MYO16: variants seen among roughly 807,000 people sequenced by gnomAD.
MYO16 encodes the protein myosin XVI, also known as unconventional myosin-XVI.
A neutral mutation model predicts 205.3 loss-of-function variants in MYO16; 94 were observed. The ratio of observed to expected loss-of-function variants is 0.46; its 90% confidence interval spans 0.39 to 0.54. MYO16 has a LOEUF of 0.54. Ranked by LOEUF, MYO16 falls within the 20% of genes least tolerant of loss-of-function variation. MYO16 has a pLI of 0.00. For synonymous variants in MYO16, 988 were observed against 954.0 expected, an observed-to-expected ratio of 1.04 and a Z score of -0.66; for missense variants, 2,315 against 2,387.5, an observed-to-expected ratio of 0.97 and a Z score of 0.63.
chr13:109,188,819 C>A (rs1262057172), intron 34 of MYO16, among the ~76,000 whole-genome samples: 1 of 152,142 alleles, frequency 6.6e-6, no homozygotes, highest in Admixed American at 6.6e-5. Context: ...CAGGGCCAGG[C>A]GCAGTGGCTC....
At chr13:108,538,108 T>C in the MYO16 span, among the ~76,000 whole-genome samples, 12 of 152,202 alleles carry the variant, frequency 7.9e-5, no homozygotes, top group African/African-American at 2.4e-4. Context: ...AAGAGTTTTT[T>C]CTAGGTTTCC....
chr13:109,160,701 T>C (rs1184041666), intron 32 of MYO16, among the ~76,000 whole-genome samples: 2 of 152,260 alleles, frequency 1.3e-5, no homozygotes, highest in Non-Finnish European at 2.9e-5. Flanking sequence ...AAATATTTTC[T>C]TTTGATGTGA....
chr13:108,757,472 GT>G (rs869034180), intron 4 of MYO16, among the ~76,000 whole-genome samples: 2 of 151,148 alleles, frequency 1.3e-5, no homozygotes, highest in East Asian at 3.9e-4. Flanking sequence ...GACCAAGCTA[GT>G]TTTTTGGGGT....
chr13:109,179,468 T>C, intron 33 of MYO16, 74 bp from the exon 34 acceptor site: 1 of 881,344 alleles, frequency 1.1e-6, no homozygotes, highest in South Asian at 1.4e-5. Flanking sequence ...TAGTTTATTG[T>C]AATGAGTGCA....
intron 27 of MYO16, among the ~76,000 whole-genome samples, chr13:109,094,095 A>T (rs914420329): frequency 2.6e-5 from 4 of 152,140 alleles, no homozygotes; most frequent in Non-Finnish European, 5.9e-5. Flanking sequence ...CTCCACCGGG[A>T]CTACAGTTCC....
chr13:109,119,727 A>G (rs534909562), intron 28 of MYO16, among the ~76,000 whole-genome samples: 65 of 152,340 alleles, frequency 4.3e-4, no homozygotes, highest in African/African-American at 1.5e-3. Flanking sequence ...TCATGCTAAA[A>G]TTTCTTTTTA....
chr13:109,203,386 G>A (rs2391714), intron 34 of MYO16, among the ~76,000 whole-genome samples: 10,784 of 151,416 alleles, frequency 0.071, 546 homozygotes, highest in East Asian at 0.27. Context: ...TTTCATTTTC[G>A]AGGGGTATTT....
chr13:108,653,378 T>A (rs530337956), intron 1 of MYO16, among the ~76,000 whole-genome samples: 2 of 152,240 alleles, frequency 1.3e-5, no homozygotes, highest in East Asian at 3.9e-4. Flanking sequence ...TGCACAGAAG[T>A]TTTTAAGTTT....
At chr13:108,813,730 G>A (rs1887365394) in intron 7 of MYO16, among the ~76,000 whole-genome samples, 1 of 152,020 alleles carries the variant, frequency 6.6e-6, no homozygotes, top group African/African-American at 2.4e-5. Flanking sequence ...CTGAATATTA[G>A]TCACCTTAAC....
At chr13:108,770,577 G>A (rs555906873) in intron 4 of MYO16, among the ~76,000 whole-genome samples, 1 of 152,218 alleles carries the variant, frequency 6.6e-6, no homozygotes, top group East Asian at 1.9e-4. Context: ...GCCTTTTCCA[G>A]TTCATATCTT....
chr13:109,135,523 A>C (rs78308756), intron 31 of MYO16, among the ~76,000 whole-genome samples: 2,737 of 152,214 alleles, frequency 0.018, 40 homozygotes, highest in South Asian at 0.03. Flanking sequence ...AGGTCTTGCT[A>C]TGTTGTCCAA....
chr13:108,939,446 C>T (rs1882629752), intron 16 of MYO16, among the ~76,000 whole-genome samples: 1 of 152,122 alleles, frequency 6.6e-6, no homozygotes, highest in Admixed American at 6.5e-5. Context: ...TGCTGGTATC[C>T]TCCTCTCCAG....
At chr13:108,569,691 T>A in the MYO16 span, among the ~76,000 whole-genome samples, 1 of 152,158 alleles carries the variant, frequency 6.6e-6, no homozygotes, top group Non-Finnish European at 1.5e-5. Flanking sequence ...GTTGAATAGA[T>A]GTGGTAAAAG....
Position 109,138,461 on chromosome 13 carries a change from G to T in MYO16, c.4052-1803G>T, listed in dbSNP as rs151322505. Among the ~76,000 whole-genome samples, 230 of 152,234 alleles carry T rather than the reference G, an allele frequency of 1.5e-3. No individual in the cohort carries two copies. The Middle Eastern group carries it at 0.048, about 32-fold the overall frequency. ...ATTTACAGTAAAAGCATTAGAAAAA[G>T]AAGTCTTGTGGAATTTCTTTTTTGA... On this transcript the variant is annotated intron_variant, in intron 31 of 34. Coordinates refer to ENST00000457511, the MANE Select transcript of MYO16 (RefSeq NM_001198950.3).
chr13:108,816,142 TACCACAAATATAAA>T (rs1875587794), intron 7 of MYO16, among the ~76,000 whole-genome samples: 1 of 152,156 alleles, frequency 6.6e-6, no homozygotes, highest in Non-Finnish European at 1.5e-5. Flanking sequence ...ACTTGAAATG[TACCACAAATATAAA>T]AGTTAAAATT....
At chr13:109,090,063 G>A (rs1888569508) in intron 27 of MYO16, among the ~76,000 whole-genome samples, 1 of 152,214 alleles carries the variant, frequency 6.6e-6, no homozygotes, top group African/African-American at 2.4e-5. Flanking sequence ...CGTTTGAGTG[G>A]TGCATTTGTG....
rs277829 is a variant in MYO16, at chr13:109,042,314, T to A, written c.2797-4602T>A. On this transcript the variant is annotated intron_variant, in intron 23 of 34. Coordinates refer to ENST00000457511, the MANE Select transcript of MYO16 (RefSeq NM_001198950.3). ...TGCTTGTGTGTGCATGTTTATGTTG[T>A]GTATTTAAATTACTTGGCTGTGTCC... Among the ~76,000 whole-genome samples, 810 of 152,364 alleles carry A rather than the reference T, an allele frequency of 5.3e-3. 12 individuals carry two copies. Among genetic ancestry groups the A allele is most frequent in the African/African-American group, 0.019 (783 of 41,576 alleles).
At chr13:109,101,797 C>G (rs1888975808) in intron 28 of MYO16, 1 of 152,104 alleles carries the variant, frequency 6.6e-6, no homozygotes, top group Non-Finnish European at 1.5e-5. Flanking sequence ...GGAAAGTAGA[C>G]ATAAATTGCA....
At chr13:108,761,908 A>T (rs1400647179) in intron 4 of MYO16, among the ~76,000 whole-genome samples, 6 of 152,198 alleles carry the variant, frequency 3.9e-5, no homozygotes, top group African/African-American at 1.4e-4. Context: ...TGCTACATAC[A>T]TTGATTTCAT....
Sources: gnomAD v4.1 joint callset for allele counts (sites outside exome capture counted in the v4.1 genomes callset) on GRCh38, gnomAD v4.1.1 for gene constraint, MANE v1.5 for transcripts, NCBI Gene and HGNC (gene_info 2026-07-23, HGNC 2026-07-21) for gene names.